Variants in FREM1 observed in about 807,000 individuals in gnomAD.
FREM1 encodes the protein FRAS1-related extracellular matrix protein 1.
A neutral mutation model predicts 210.1 loss-of-function variants in FREM1; 220 were observed. The observed-to-expected ratio is 1.05, with a 90% CI of 0.94 to 1.17. The LOEUF (loss-of-function observed/expected upper bound fraction) is 1.17, where lower values mean the gene tolerates loss of function less well. Ranked by LOEUF, FREM1 falls within the 50% of genes most tolerant of loss-of-function variation. The pLI is 0.00. For missense variants in FREM1, 3,454 were observed against 2,675.5 expected (o/e 1.29, Z -6.42); for synonymous variants, 1,189 against 980.2 (o/e 1.21, Z -3.98).
intron 10 of FREM1, among the ~76,000 whole-genome samples, chr9:14,825,288 G>T (rs1225368132): frequency 6.6e-6 from 1 of 151,702 alleles, no homozygotes; most frequent in East Asian, 1.9e-4. Context: ...AGGAGTTCGA[G>T]AACAGCCTGG....
At chr9:14,794,001 A>C (rs1278402459) in intron 21 of FREM1, among the ~76,000 whole-genome samples, 1 of 152,234 alleles carries the variant, frequency 6.6e-6, no homozygotes, top group East Asian at 1.9e-4. Context: ...AGATTAATCA[A>C]AACGGGAAGC....
At chr9:14,811,014 G>A (rs995833452) in intron 16 of FREM1, among the ~76,000 whole-genome samples, 4 of 152,144 alleles carry the variant, frequency 2.6e-5, no homozygotes, top group Admixed American at 6.6e-5. Flanking sequence ...AGCAAGAGAA[G>A]GGCCAGAAAA....
chr9:14,750,227 C>G lies in FREM1; in HGVS notation c.5457G>C (p.Glu1819Asp). ...WNIAITYDGL[E>D]EDDEVFEVIL... Reference sequence around the variant, plus strand: ...TTACTTCAAAGACCTCATCATCTTCCTCTAATCCGTCATAGGTAATTGCTA... The same window carrying G: ...TTACTTCAAAGACCTCATCATCTTCGTCTAATCCGTCATAGGTAATTGCTA... Residue 1819 changes from glutamate to aspartate, a missense_variant, in exon 30 of 37, where the codon GAG becomes GAC. Physicochemically the swap from Glu to Asp is conservative, Grantham distance 45. Coordinates refer to ENST00000380880, the MANE Select transcript of FREM1 (RefSeq NM_001379081.2). 1 of 1,613,296 alleles carries G rather than the reference C, an allele frequency of 6.2e-7. No individual in the cohort carries two copies.
rs1249170363 is a variant in FREM1, at chr9:14,885,110, G to C, written c.-267-15866C>G. 1.3e-5 allele frequency among the ~76,000 whole-genome samples: 2 copies of C among 150,946 alleles called. 1 individual carries two copies. The highest frequency in any genetic ancestry group is 4.9e-5 in the African/African-American group (2 of 40,834). On this transcript the variant is annotated intron_variant, in intron 1 of 36. Transcript: ENST00000380880. ...CGGCTAATTTTTTGTATTTTTACTA[G>C]AGATGGGGTTTCACCGTGTTAGCCA... is the stretch of plus-strand genomic sequence containing the variant.
intron 16 of FREM1, among the ~76,000 whole-genome samples, chr9:14,810,503 G>A (rs987181604): frequency 1.3e-5 from 2 of 152,158 alleles, no homozygotes; most frequent in Non-Finnish European, 2.9e-5. Flanking sequence ...CCAGGTTGGA[G>A]TGCAGTGGCA....
chr9:14,846,853 TC>T (rs1826719394), intron 7 of FREM1, among the ~76,000 whole-genome samples: 1 of 152,192 alleles, frequency 6.6e-6, no homozygotes, highest in Non-Finnish European at 1.5e-5. Flanking sequence ...AACTGACTGT[TC>T]TCTAGCTGCA....
rs1400713097 is a variant in FREM1 at position 14,808,034 on chromosome 9, G to C, written c.2994C>G (p.Pro998=). Residue 998 remains proline, a synonymous_variant, in exon 17 of 37, where the codon CCC becomes CCG. Transcript: ENST00000380880. ...ACGCATGAAGTGGAACAGATGGATTGGGTCCATTGTAGCAACAGCCATTCA... is the reference window on the plus strand; with the variant it reads ...ACGCATGAAGTGGAACAGATGGATTCGGTCCATTGTAGCAACAGCCATTCA... ...PFVNGCCYNG[P]NPSVPLHASF... The C allele has an allele frequency of 1.2e-6, 2 of 1,613,396 alleles. No homozygotes were observed. The highest frequency in any genetic ancestry group is 2.2e-5 in the South Asian group (2 of 91,046).
At chr9:14,791,063 A>G (rs563962771) in intron 22 of FREM1, 14 of 152,338 alleles carry the variant, frequency 9.2e-5, no homozygotes, top group African/African-American at 3.4e-4. Context: ...ATGGAAAGTT[A>G]AGCATTCCAT....
At chr9:14,757,652 A>G in intron 28 of FREM1, among the ~76,000 whole-genome samples, 1 of 151,382 alleles carries the variant, frequency 6.6e-6, no homozygotes, top group East Asian at 1.9e-4. Context: ...TATTTTTTAG[A>G]TGTTTAAGAT....
At chr9:14,803,199 CCT>C (rs575419458) in intron 19 of FREM1, among the ~76,000 whole-genome samples, 75 of 143,780 alleles carry the variant, frequency 5.2e-4, no homozygotes, top group African/African-American at 1.7e-3. Context: ...TTCCTCCCTC[CCT>C]CTTTCTTCTT....
chr9:14,801,510 C>G (rs1817280641), intron 20 of FREM1, 142 bp downstream of exon 20: 7 of 633,786 alleles, frequency 1.1e-5, no homozygotes, highest in East Asian at 2.7e-5. Context: ...AACATCTCCC[C>G]AATCCTCCCA....
rs369927789 is a variant in FREM1, at chr9:14,792,303, C to CACAGAG, written c.3981+439_3981+440insCTCTGT. Among the ~76,000 whole-genome samples the CACAGAG allele has an allele frequency of 6.4e-3, 875 of 137,732 alleles. 3 individuals carry two copies. Among genetic ancestry groups the CACAGAG allele is most frequent in the East Asian group, 0.047 (213 of 4,488 alleles). 90.4% of individuals were successfully genotyped at this position (137,732 alleles called of 152,430 possible). On this transcript the variant is annotated intron_variant, in intron 22 of 36. Coordinates refer to ENST00000380880, the MANE Select transcript of FREM1 (RefSeq NM_001379081.2). ...ACACACACACACACACACACACACA[C>CACAGAG]AGAGAGAGAGAGAGATTGAGAGAAC...
chr9:14,755,338 T>G (rs536972819), intron 29 of FREM1, among the ~76,000 whole-genome samples: 1 of 152,364 alleles, frequency 6.6e-6, no homozygotes, highest in Admixed American at 6.5e-5. Context: ...CATTTTCTTT[T>G]GCCTTTGCTC....
At chr9:14,812,752 G>A in intron 16 of FREM1, 60 bp downstream of exon 16, 5 of 1,508,250 alleles carry the variant, frequency 3.3e-6, no homozygotes, top group Non-Finnish European at 4.5e-6. Flanking sequence ...AGCCCACACT[G>A]AGGAGTGGAG....
rs1829351974 is a variant in FREM1, at chr9:14,859,241, C to T, written c.573G>A (p.Gly191=). 6.2e-7 allele frequency: 1 copy of T among 1,611,994 alleles called. No homozygotes were observed. Among genetic ancestry groups the T allele is most frequent in the Non-Finnish European group, 8.5e-7 (1 of 1,178,588 alleles). The change falls in exon 4 of 37, where the codon GGG becomes GGA. Residue 191 remains glycine (G), a synonymous_variant. Transcript: ENST00000380880. Reference sequence around the variant, plus strand: ...CACGAGGTTCTTCTGGTCGAGGCTCCCCGAGAACCATCTGGCCATGGGCTG... The same window carrying T: ...CACGAGGTTCTTCTGGTCGAGGCTCTCCGAGAACCATCTGGCCATGGGCTG... The part of the protein sequence containing the change: ...RLPAHGQMVL[G]EPRPEEPRGD...
At chr9:14,754,968 A>C (rs1400974526) in intron 29 of FREM1, among the ~76,000 whole-genome samples, 1 of 152,158 alleles carries the variant, frequency 6.6e-6, no homozygotes, top group East Asian at 1.9e-4. Flanking sequence ...TTTATAACAC[A>C]GACATGCACA....
At chr9:14,850,007 C>T (rs146198947) in intron 6 of FREM1, among the ~76,000 whole-genome samples, 1 of 152,272 alleles carries the variant, frequency 6.6e-6, no homozygotes, top group African/African-American at 2.4e-5. Context: ...TTTGTCTTCC[C>T]TTGAGGCTAC....
chr9:14,873,728 C>A (rs1833162634), intron 1 of FREM1, among the ~76,000 whole-genome samples: 1 of 152,070 alleles, frequency 6.6e-6, no homozygotes, highest in Non-Finnish European at 1.5e-5. Context: ...TTTGTTTGCT[C>A]TTGCTTTTCT....
chr9:14,748,294 A>G (rs960754636), intron 31 of FREM1, 107 bp downstream of exon 31: 21 of 687,904 alleles, frequency 3.1e-5, no homozygotes, highest in Non-Finnish European at 4.7e-5. Flanking sequence ...CCCACTCACT[A>G]TGAGAATCAA....
Sources: gnomAD v4.1 joint callset for allele counts (sites outside exome capture counted in the v4.1 genomes callset) on GRCh38, gnomAD v4.1.1 for gene constraint, MANE v1.5 for transcripts, NCBI Gene and HGNC (gene_info 2026-07-23, HGNC 2026-07-21) for gene names.